TJP1: variants seen among roughly 807,000 people sequenced by gnomAD.
TJP1 encodes the protein tight junction protein ZO-1.
TJP1 carries 43 observed loss-of-function variants against 194.2 expected under a neutral mutation model. That is an observed-to-expected ratio of 0.22 (90% CI 0.17 to 0.29). The LOEUF is 0.29. Among genes scored for constraint, TJP1 ranks in the 10% least tolerant of loss-of-function variants. The probability of loss-of-function intolerance (pLI) is 1.00; values close to 1 mark genes in which losing one functional copy is unlikely to be tolerated. For synonymous variants in TJP1, 801 were observed against 779.0 expected (o/e 1.03, Z -0.47); for missense variants, 1,971 against 2,185.7 (o/e 0.90, Z 1.96).
At chr15:29,901,258 C>T (rs2053626819) in intron 2 of TJP1, among the ~76,000 whole-genome samples, 2 of 152,308 alleles carry the variant, frequency 1.3e-5, no homozygotes, top group African/African-American at 4.8e-5. Context: ...TCCTGAAGAT[C>T]GCAATGTGTA....
chr15:29,847,204 G>A (rs939065002), intron 2 of TJP1, among the ~76,000 whole-genome samples: 3 of 152,046 alleles, frequency 2.0e-5, no homozygotes, highest in Non-Finnish European at 4.4e-5. Context: ...CTGGGCTCAA[G>A]CAATCTTTTC....
chr15:29,767,602 A>G (rs765507306), intron 4 of TJP1, among the ~76,000 whole-genome samples: 7 of 152,112 alleles, frequency 4.6e-5, no homozygotes, highest in Non-Finnish European at 8.8e-5. Context: ...AATTCATTTT[A>G]CAGAAGTCTT....
intron 2 of TJP1, among the ~76,000 whole-genome samples, chr15:29,933,176 C>T (rs2152273019): frequency 6.6e-6 from 1 of 152,082 alleles, no homozygotes; most frequent in South Asian, 2.1e-4. Flanking sequence ...CAAGCTGGGT[C>T]CAAAGTGAGG....
Position 29,762,386 on chromosome 15 carries a change from A to C in TJP1, c.642T>G (p.Asp214Glu). 6.2e-7 allele frequency: 1 copy of C among 1,613,776 alleles called. No individual in the cohort carries two copies. The highest frequency in any genetic ancestry group is 1.1e-5 in the South Asian group (1 of 91,070). Residue 214 changes from aspartate to glutamate, a missense_variant, in exon 6 of 28, where the codon GAT (aspartate) becomes GAG (glutamate). Physicochemically the swap from Asp to Glu is conservative, Grantham distance 45. Coordinates refer to ENST00000614355, the MANE Select transcript of TJP1 (RefSeq NM_001330239.4). ...SHIFVKEISQ[D>E]SLAARDGNIQ... ...TATTGCCATCTCTTGCTGCCAAACT[A>C]TCTTGTGAAATTTCCTTAACAAATA...
In TJP1 at chr15:29,720,373, C is replaced by A. The variant is rs759803978; in HGVS notation, c.2748G>T (p.Lys916Asn). The A allele has an allele frequency of 6.3e-7, 1 of 1,588,748 alleles. No homozygotes were observed. The highest frequency in any genetic ancestry group is 8.6e-7 in the Non-Finnish European group (1 of 1,167,360). ...TGCTGCTTACCTGTTGAGAGGCTGG[C>A]TTAAATCCAGGGGAGTCTATTCTAT... ...PIHRIDSPGFKPASQQKAEAS... is the reference protein window; with the variant it reads ...PIHRIDSPGFNPASQQKAEAS... Residue 916 changes from lysine (K) to asparagine (N), a missense_variant, in exon 19 of 28, where the codon AAG (lysine) becomes AAT (asparagine). Transcript: ENST00000614355.
At chr15:29,726,598 A>G in intron 17 of TJP1, 119 bp from the exon 18 acceptor site, 1 of 1,184,764 alleles carries the variant, frequency 8.4e-7, no homozygotes, top group Non-Finnish European at 1.2e-6. Context: ...GGATGCAAAC[A>G]TTTGAAATTT....
intron 2 of TJP1, among the ~76,000 whole-genome samples, chr15:29,887,824 A>G (rs1193744111): frequency 2.0e-5 from 3 of 152,224 alleles, no homozygotes; most frequent in Admixed American, 6.5e-5. Flanking sequence ...AAACAGTGCT[A>G]TAACATTTGT....
At chr15:29,717,933 T>A in intron 22 of TJP1, 88 bp downstream of exon 22, 1 of 1,123,612 alleles carries the variant, frequency 8.9e-7, no homozygotes, top group Non-Finnish European at 1.3e-6. Context: ...ACCTCTCCTC[T>A]ACTAACACAG....
chr15:29,710,211 C>T (rs1181873678), intron 24 of TJP1, among the ~76,000 whole-genome samples: 1 of 151,828 alleles, frequency 6.6e-6, no homozygotes, highest in Non-Finnish European at 1.5e-5. Flanking sequence ...CTGTCTTTAT[C>T]TGTAAACATG....
intron 8 of TJP1, among the ~76,000 whole-genome samples, chr15:29,749,818 G>GTAGCTGCTCCTTCTATCTGTGGTTCTTT (rs1438373267): frequency 1.3e-5 from 2 of 152,150 alleles, no homozygotes; most frequent in Non-Finnish European, 2.9e-5. Flanking sequence ...ACCAAGGAGA[G>GTAGCTGCTCCTTCTATCTGTGGTTCTTT]TAGCTGCTCC....
chr15:29,765,501 A>G (rs900733767), intron 5 of TJP1, among the ~76,000 whole-genome samples: 9 of 152,180 alleles, frequency 5.9e-5, no homozygotes, highest in African/African-American at 2.2e-4. Flanking sequence ...TCAGTTTCAA[A>G]AACTTCAAAG....
intron 1 of TJP1, among the ~76,000 whole-genome samples, chr15:29,957,657 C>T (rs28371915): frequency 6.6e-6 from 1 of 152,034 alleles, no homozygotes; most frequent in African/African-American, 2.4e-5. Flanking sequence ...TCAACTATTC[C>T]CCTACTAATG....
At chr15:29,767,246 C>T (rs1428707377) in intron 4 of TJP1, among the ~76,000 whole-genome samples, 2 of 152,164 alleles carry the variant, frequency 1.3e-5, no homozygotes, top group African/African-American at 2.4e-5. Flanking sequence ...ACATGTATTA[C>T]ACCTGCTGAC....
intron 2 of TJP1, among the ~76,000 whole-genome samples, chr15:29,859,579 G>C (rs1240077472): frequency 2.0e-5 from 3 of 152,198 alleles, no homozygotes. Flanking sequence ...GCTCCTGTCA[G>C]GAAGTGGCTG....
intron 2 of TJP1, among the ~76,000 whole-genome samples, chr15:29,948,338 G>C (rs1277600647): frequency 6.7e-6 from 1 of 150,156 alleles, no homozygotes; most frequent in Non-Finnish European, 1.5e-5. Flanking sequence ...ATTTGCTCCT[G>C]TCCTAAACAG....
At chr15:29,968,651 C>G in intron 1 of TJP1, 1 of 1,036,902 alleles carries the variant, frequency 9.6e-7, no homozygotes, top group Non-Finnish European at 1.2e-6. Context: ...GCTCCGCGCC[C>G]GCGCGGCCGC....
chr15:29,924,714 G>A (rs1474988458), intron 2 of TJP1, among the ~76,000 whole-genome samples: 1 of 152,150 alleles, frequency 6.6e-6, no homozygotes, highest in Non-Finnish European at 1.5e-5. Context: ...TCTGGGGATG[G>A]GGTGGGCTAA....
At chr15:29,842,160 G>C (rs1567124944) in intron 2 of TJP1, among the ~76,000 whole-genome samples, 1 of 152,126 alleles carries the variant, frequency 6.6e-6, no homozygotes, top group Non-Finnish European at 1.5e-5. Flanking sequence ...TATAACAAAA[G>C]CAGTTGTATC....
chr15:29,805,916 T>C (rs970348845), intron 1 of TJP1, among the ~76,000 whole-genome samples: 1 of 152,156 alleles, frequency 6.6e-6, no homozygotes, highest in Non-Finnish European at 1.5e-5. Context: ...GATTGTGTGA[T>C]GCTACACATG....
Sources: gnomAD v4.1 joint callset for allele counts (sites outside exome capture counted in the v4.1 genomes callset) on GRCh38, gnomAD v4.1.1 for gene constraint, MANE v1.5 for transcripts, NCBI Gene and HGNC (gene_info 2026-07-23, HGNC 2026-07-21) for gene names.